Variants in CDKL3 observed in about 807,000 individuals in gnomAD.
The protein encoded by CDKL3 is cyclin dependent kinase like 3.
CDKL3 carries 65 observed loss-of-function variants against 69.3 expected under a neutral mutation model. The observed-to-expected ratio is 0.94, with a 90% CI of 0.77 to 1.15. The LOEUF (loss-of-function observed/expected upper bound fraction) is 1.15. Ranked by LOEUF, CDKL3 falls within the 50% of genes most tolerant of loss-of-function variation. The pLI, the probability that CDKL3 is intolerant of heterozygous loss-of-function variation, is 0.00. For missense variants in CDKL3, 652 were observed against 689.2 expected (o/e 0.95, Z 0.61); for synonymous variants, 202 against 221.6 (o/e 0.91, Z 0.79).
upstream of CDKL3, among the ~76,000 whole-genome samples, chr5:134,370,530 C>A (rs1000090740): frequency 1.3e-5 from 2 of 152,180 alleles, no homozygotes; most frequent in African/African-American, 4.8e-5. Flanking sequence ...GAAGACTGCA[C>A]CCCCACATTC....
At chr5:134,371,385 C>T (rs1373140529), upstream of CDKL3, 3 of 685,122 alleles carry the variant, frequency 4.4e-6, no homozygotes, top group Non-Finnish European at 7.2e-6. Flanking sequence ...CCCCCTCCTC[C>T]CCCAGCACTC....
At chr5:134,299,861 AG>A (rs1765893514) in intron 12 of CDKL3, 2 of 666,100 alleles carry the variant, frequency 3.0e-6, no homozygotes, top group African/African-American at 3.6e-5. Context: ...TTGTTTCATA[AG>A]GTACAGGGAA....
At chr5:134,315,731 C>G (rs1770876379) in intron 6 of CDKL3, among the ~76,000 whole-genome samples, 1 of 152,044 alleles carries the variant, frequency 6.6e-6, no homozygotes, top group South Asian at 2.1e-4. Context: ...AAAAAAGATA[C>G]CTCCCAGCTA....
chr5:134,306,118 A>G (rs1767760713), intron 10 of CDKL3, among the ~76,000 whole-genome samples: 1 of 152,194 alleles, frequency 6.6e-6, no homozygotes, highest in African/African-American at 2.4e-5. Context: ...AGATATATGA[A>G]CTTAATTAAT....
intron 4 of CDKL3, among the ~76,000 whole-genome samples, chr5:134,331,590 T>C (rs539192420): frequency 1.3e-5 from 2 of 152,304 alleles, no homozygotes; most frequent in East Asian, 3.9e-4. Context: ...CTGAGAATGA[T>C]GGTTTCCAGC....
At chr5:134,339,633 G>T (rs1391594744) in intron 4 of CDKL3, among the ~76,000 whole-genome samples, 1 of 152,080 alleles carries the variant, frequency 6.6e-6, no homozygotes, top group Non-Finnish European at 1.5e-5. Context: ...TTGTTCTCAA[G>T]TCACATGGAA....
downstream of CDKL3, among the ~76,000 whole-genome samples, chr5:134,296,627 C>G (rs1343703979): frequency 6.6e-6 from 1 of 152,062 alleles, no homozygotes; most frequent in African/African-American, 2.4e-5. Context: ...CTGAAACTTA[C>G]TTAAGGTCTA....
intron 4 of CDKL3, among the ~76,000 whole-genome samples, chr5:134,322,233 C>A (rs1031914449): frequency 3.3e-5 from 5 of 152,028 alleles, no homozygotes; most frequent in Admixed American, 6.5e-5. Context: ...AGGCTGGTCT[C>A]AAACTCCTGA....
At chr5:134,364,449 C>T (rs1207737300) in intron 2 of CDKL3, among the ~76,000 whole-genome samples, 1 of 152,156 alleles carries the variant, frequency 6.6e-6, no homozygotes, top group Non-Finnish European at 1.5e-5. Flanking sequence ...TCAATTGTAT[C>T]AATCACTGAA....
intron 4 of CDKL3, among the ~76,000 whole-genome samples, chr5:134,345,233 C>A (rs769317156): frequency 1.3e-4 from 20 of 151,944 alleles, no homozygotes; most frequent in Non-Finnish European, 2.2e-4. Context: ...TGTGAATACA[C>A]TAAAAACCAC....
intron 12 of CDKL3, among the ~76,000 whole-genome samples, chr5:134,300,458 C>T (rs1766038595): frequency 1.3e-5 from 2 of 152,098 alleles, no homozygotes; most frequent in Admixed American, 1.3e-4. Flanking sequence ...ACTAGCAATT[C>T]CCTATCTTAT....
At chr5:134,325,909 G>A (rs893997649) in intron 4 of CDKL3, among the ~76,000 whole-genome samples, 6 of 145,908 alleles carry the variant, frequency 4.1e-5, no homozygotes, top group African/African-American at 1.0e-4. Context: ...GACTACAGGC[G>A]CCCATCACCA....
At chr5:134,300,991 T>C (rs1213190188) in intron 12 of CDKL3, among the ~76,000 whole-genome samples, 2 of 151,568 alleles carry the variant, frequency 1.3e-5, no homozygotes, top group East Asian at 3.9e-4. Flanking sequence ...GAAAGATGAC[T>C]ATTAATGGAT....
chr5:134,319,358 A>G lies in CDKL3; in HGVS notation c.792T>C (p.His264=). The part of the protein sequence containing the change: ...KLNGLLADIV[H]ACLQIDPADR... ...GGGAGGAAAAAAAAAAAAAACATAC[A>G]TGAACTATATCTGCCAACAATCCAT... The change falls in exon 6 of 13, where the codon CAT becomes CAC. Residue 264 remains histidine (H), a splice_region_variant and synonymous_variant. Transcript: ENST00000265334. 2.7e-6 allele frequency: 4 copies of G among 1,508,252 alleles called. No individual in the cohort carries two copies. Among genetic ancestry groups the G allele is most frequent in the Non-Finnish European group, 3.5e-6 (4 of 1,133,958 alleles). The allele number at this position is 1,508,252 out of a possible 1,614,324, so 93.4% of individuals were successfully genotyped here.
chr5:134,366,128 TTGAA>T (rs1240287122), intron 2 of CDKL3, among the ~76,000 whole-genome samples: 2 of 152,220 alleles, frequency 1.3e-5, no homozygotes, highest in Non-Finnish European at 2.9e-5. Flanking sequence ...AGTATTATAC[TTGAA>T]TATTTCTGAA....
intron 4 of CDKL3, among the ~76,000 whole-genome samples, chr5:134,336,305 C>T (rs1777098473): frequency 6.6e-6 from 1 of 152,088 alleles, no homozygotes; most frequent in African/African-American, 2.4e-5. Context: ...TTATTACCGC[C>T]CTTCTGAAGC....
intron 5 of CDKL3, among the ~76,000 whole-genome samples, chr5:134,320,961 G>A (rs1772589005): frequency 1.3e-5 from 2 of 150,204 alleles, no homozygotes; most frequent in African/African-American, 4.9e-5. Flanking sequence ...TGTTTTGGTG[G>A]CCAAAGCAGA....
downstream of CDKL3, among the ~76,000 whole-genome samples, chr5:134,285,701 A>T (rs1764832179): frequency 6.6e-6 from 1 of 152,236 alleles, no homozygotes; most frequent in Non-Finnish European, 1.5e-5. Context: ...CTCCTCAGAA[A>T]ATGGGATTTT....
chr5:134,359,280 G>A (rs950974059), intron 3 of CDKL3, among the ~76,000 whole-genome samples: 1 of 151,880 alleles, frequency 6.6e-6, no homozygotes, highest in Non-Finnish European at 1.5e-5. Context: ...CCTGGGCAAC[G>A]AGAGCAAAAC....
Sources: gnomAD v4.1 joint callset for allele counts (sites outside exome capture counted in the v4.1 genomes callset) on GRCh38, gnomAD v4.1.1 for gene constraint, MANE v1.5 for transcripts, NCBI Gene and HGNC (gene_info 2026-07-23, HGNC 2026-07-21) for gene names.